The following SIRPG variants were observed in gnomAD, a reference collection of about 807,000 sequenced individuals.
SIRPG encodes the protein signal-regulatory protein gamma.
Under a neutral mutation model 35.7 loss-of-function variants are expected in SIRPG, and 38 were observed. The observed-to-expected ratio is 1.06, with a 90% CI of 0.82 to 1.40. SIRPG has a LOEUF of 1.40. SIRPG is among the 40% of genes most tolerant of loss of function. The pLI, the probability that SIRPG is intolerant of heterozygous loss-of-function variation, is 0.00. For missense variants in SIRPG, 519 were observed against 483.0 expected (o/e 1.07, Z -0.70); for synonymous variants, 215 against 190.4 (o/e 1.13, Z -1.06).
In SIRPG at chr20:1,644,793, G is replaced by A. The variant is rs549271225; in HGVS notation, c.430+4259C>T. 3.0e-4 allele frequency among the ~76,000 whole-genome samples: 46 copies of A among 152,314 alleles called. No homozygotes were observed. In the South Asian group the frequency reaches 9.3e-3, roughly 31 times the overall value. On this transcript the variant is annotated intron_variant, in intron 2 of 5. Transcript: ENST00000303415. ...TCACTCACCGCCTCCCTTGGCTGGG[G>A]GGTGGGGGCTTCCCTGCCCCACAGC...
chr20:1,633,439 T>G (rs550882902), intron 4 of SIRPG: 1 of 152,204 alleles, frequency 6.6e-6, no homozygotes, highest in Non-Finnish European at 1.5e-5. Flanking sequence ...TTTTATGAAA[T>G]TTAGTGATTA....
At chr20:1,645,170 G>A (rs1205401959) in intron 2 of SIRPG, among the ~76,000 whole-genome samples, 4 of 152,124 alleles carry the variant, frequency 2.6e-5, no homozygotes, top group Non-Finnish European at 4.4e-5. Context: ...CCTGAGGCCC[G>A]TACTGTGGGA....
chr20:1,657,498 T>A (rs937766336), intron 1 of SIRPG, 144 bp downstream of exon 1: 8 of 795,870 alleles, frequency 1.0e-5, no homozygotes, highest in East Asian at 2.7e-5. Flanking sequence ...AGTGCTCAGC[T>A]CCCTGATCTT....
chr20:1,679,340 C>A, the SIRPG span, among the ~76,000 whole-genome samples: 1 of 152,280 alleles, frequency 6.6e-6, no homozygotes, highest in African/African-American at 2.4e-5. Context: ...GCTGTGAGCA[C>A]CCTACCAAAT....
At chr20:1,685,714 GA>G in the SIRPG span, among the ~76,000 whole-genome samples, 2 of 152,208 alleles carry the variant, frequency 1.3e-5, no homozygotes, top group Admixed American at 1.3e-4. Context: ...TGAGATTACA[GA>G]GGAGTGGGAA....
At chr20:1,667,187 A>G in the SIRPG span, among the ~76,000 whole-genome samples, 5 of 152,166 alleles carry the variant, frequency 3.3e-5, no homozygotes, top group Non-Finnish European at 7.3e-5. Context: ...GTAAGCCACA[A>G]TATCTGGCTA....
chr20:1,669,649 A>G, the SIRPG span, among the ~76,000 whole-genome samples: 1 of 152,230 alleles, frequency 6.6e-6, no homozygotes, highest in African/African-American at 2.4e-5. Context: ...CATCTGAGAC[A>G]GAAGGCAAAA....
At chr20:1,662,794 G>A in the SIRPG span, among the ~76,000 whole-genome samples, 2 of 152,252 alleles carry the variant, frequency 1.3e-5, no homozygotes, top group African/African-American at 2.4e-5. Flanking sequence ...ATAAGTACAC[G>A]TGGTAATATA....
chr20:1,661,256 A>T (rs2091994979), upstream of SIRPG, among the ~76,000 whole-genome samples: 1 of 152,166 alleles, frequency 6.6e-6, no homozygotes, highest in Non-Finnish European at 1.5e-5. Context: ...AGCTGAGGTC[A>T]TGTGCCCAGC....
At chr20:1,636,040 T>C in intron 3 of SIRPG, 148 bp downstream of exon 3, 1 of 1,139,886 alleles carries the variant, frequency 8.8e-7, no homozygotes, top group Non-Finnish European at 1.2e-6. Context: ...TGATAGTAAG[T>C]GACCAGCACA....
In SIRPG at chr20:1,635,358, C is replaced by T; in HGVS notation, c.990G>A (p.Gln330=). ...DQRDDVVLTC[Q]VKHDGQLAVS... ...CCGCCAGCTGCCCATCATGCTTCAC[C>T]TGGCAGGTGAGGACCACATCATCCC... The change falls in exon 4 of 6, where the codon CAG becomes CAA. Residue 330 remains glutamine, a synonymous_variant. Coordinates refer to ENST00000303415, the MANE Select transcript of SIRPG (RefSeq NM_018556.4). 3 of 1,614,222 alleles carry T rather than the reference C, an allele frequency of 1.9e-6. No homozygotes were observed. The highest frequency in any genetic ancestry group is 2.5e-6 in the Non-Finnish European group (3 of 1,180,036).
At chr20:1,660,437 AC>A (rs1422872447), upstream of SIRPG, among the ~76,000 whole-genome samples, 1 of 152,150 alleles carries the variant, frequency 6.6e-6, no homozygotes, top group Non-Finnish European at 1.5e-5. Flanking sequence ...TTACTACATT[AC>A]TTTGAGAGGT....
the SIRPG span, among the ~76,000 whole-genome samples, chr20:1,663,277 C>T: frequency 6.6e-6 from 1 of 152,200 alleles, no homozygotes; most frequent in Non-Finnish European, 1.5e-5. Context: ...CGTGCCACTG[C>T]ACTCCAGTCT....
the SIRPG span, among the ~76,000 whole-genome samples, chr20:1,668,420 C>A: frequency 6.6e-6 from 1 of 151,830 alleles, no homozygotes; most frequent in Non-Finnish European, 1.5e-5. Context: ...GTAGCTGAGA[C>A]TACAGGCACA....
chr20:1,675,485 C>A, the SIRPG span, among the ~76,000 whole-genome samples: 2 of 152,148 alleles, frequency 1.3e-5, no homozygotes, highest in Non-Finnish European at 1.5e-5. Flanking sequence ...TAAAACAGAG[C>A]AATGCAAGAG....
At chr20:1,681,693 G>A in the SIRPG span, among the ~76,000 whole-genome samples, 1 of 151,978 alleles carries the variant, frequency 6.6e-6, no homozygotes, top group South Asian at 2.1e-4. Context: ...AAAAATAGCT[G>A]AGGGTGGTGG....
chr20:1,659,637 C>A (rs2091991018), upstream of SIRPG, among the ~76,000 whole-genome samples: 1 of 152,156 alleles, frequency 6.6e-6, no homozygotes, highest in Admixed American at 6.5e-5. Context: ...TGAGAAAACC[C>A]GAGGCACATG....
intron 4 of SIRPG, among the ~76,000 whole-genome samples, chr20:1,631,562 G>A (rs1227818537): frequency 6.6e-6 from 1 of 152,160 alleles, no homozygotes; most frequent in African/African-American, 2.4e-5. Context: ...TCTTCAGGAT[G>A]CTTCCTGCAT....
intron 1 of SIRPG, among the ~76,000 whole-genome samples, chr20:1,654,328 A>G (rs941235260): frequency 3.3e-5 from 5 of 152,144 alleles, no homozygotes; most frequent in Non-Finnish European, 4.4e-5. Flanking sequence ...ATGGCATGGC[A>G]CTGGCATAAA....
Sources: gnomAD v4.1 joint callset for allele counts (sites outside exome capture counted in the v4.1 genomes callset) on GRCh38, gnomAD v4.1.1 for gene constraint, MANE v1.5 for transcripts, NCBI Gene and HGNC (gene_info 2026-07-23, HGNC 2026-07-21) for gene names.